Variants in ASPRV1 observed in about 807,000 individuals in gnomAD.
ASPRV1 encodes the protein aspartic peptidase retroviral like 1.
Under a neutral mutation model 11.0 loss-of-function variants are expected in ASPRV1, and 7 were observed. The observed-to-expected ratio is 0.64, with a 90% CI of 0.36 to 1.20. The LOEUF (loss-of-function observed/expected upper bound fraction) is 1.20. Ranked by LOEUF, ASPRV1 falls within the 50% of genes most tolerant of loss-of-function variation. The pLI is 0.02. For synonymous variants in ASPRV1, 136 were observed against 138.4 expected, an observed-to-expected ratio of 0.98 and a Z score of 0.12; for missense variants, 299 against 320.0, an observed-to-expected ratio of 0.93 and a Z score of 0.50.
At chr2:69,939,781 C>T in the ASPRV1 span, 3 of 152,398 alleles carry the variant, frequency 2.0e-5, no homozygotes, top group South Asian at 2.1e-4. Context: ...AATCCACGGA[C>T]GCACTGCGAC....
chr2:70,020,840 G>C, the ASPRV1 span, among the ~76,000 whole-genome samples: 1 of 152,144 alleles, frequency 6.6e-6, no homozygotes, highest in African/African-American at 2.4e-5. Context: ...TACTAGTGGT[G>C]ATCAGGGGCT....
the ASPRV1 span, among the ~76,000 whole-genome samples, chr2:70,014,200 ACAG>A: frequency 6.6e-6 from 1 of 152,192 alleles, no homozygotes; most frequent in African/African-American, 2.4e-5. Context: ...TTTGCATCAA[ACAG>A]CACTTTCAGC....
chr2:70,032,994 C>A, the ASPRV1 span, among the ~76,000 whole-genome samples: 1 of 152,088 alleles, frequency 6.6e-6, no homozygotes, highest in Non-Finnish European at 1.5e-5. Flanking sequence ...CACAGCACTA[C>A]AGCAATCAGA....
the ASPRV1 span, chr2:70,080,840 TTCA>T: frequency 6.6e-6 from 1 of 152,260 alleles, no homozygotes. Flanking sequence ...TTTCTTTGAC[TTCA>T]GGCCTTTGCT....
the ASPRV1 span, among the ~76,000 whole-genome samples, chr2:69,973,616 G>A: frequency 1.8e-4 from 28 of 152,298 alleles, no homozygotes; most frequent in Non-Finnish European, 3.8e-4. Context: ...CCAAAGTGCT[G>A]GGATCACAGG....
At chr2:69,992,556 A>G in the ASPRV1 span, among the ~76,000 whole-genome samples, 1 of 152,200 alleles carries the variant, frequency 6.6e-6, no homozygotes, top group African/African-American at 2.4e-5. Context: ...CACTAGGTGG[A>G]ATGCTTATGC....
the ASPRV1 span, among the ~76,000 whole-genome samples, chr2:69,995,794 C>G: frequency 2.0e-5 from 3 of 152,120 alleles, no homozygotes; most frequent in Admixed American, 2.0e-4. Context: ...TACTAGACAC[C>G]GCCTTCTCAT....
the ASPRV1 span, among the ~76,000 whole-genome samples, chr2:69,972,377 A>T: frequency 7.3e-6 from 1 of 136,446 alleles, no homozygotes; most frequent in African/African-American, 2.8e-5. Context: ...TTTTTTTTCA[A>T]GATGGAGTCT....
chr2:69,947,878 G>A, the ASPRV1 span, among the ~76,000 whole-genome samples: 3 of 152,168 alleles, frequency 2.0e-5, no homozygotes, highest in Non-Finnish European at 2.9e-5. Flanking sequence ...GGGGATATCC[G>A]CAGAGGCCAG....
the ASPRV1 span, among the ~76,000 whole-genome samples, chr2:70,067,101 G>A: frequency 1.3e-5 from 2 of 152,160 alleles, no homozygotes; most frequent in Non-Finnish European, 2.9e-5. Flanking sequence ...ATCCTCAGAA[G>A]TACTCTTTTA....
the ASPRV1 span, among the ~76,000 whole-genome samples, chr2:70,068,539 A>G: frequency 6.6e-6 from 1 of 152,144 alleles, no homozygotes; most frequent in Non-Finnish European, 1.5e-5. Context: ...CACATTATGT[A>G]AAGGTTTAGT....
chr2:69,946,285 T>C, the ASPRV1 span, among the ~76,000 whole-genome samples: 7 of 152,254 alleles, frequency 4.6e-5, no homozygotes, highest in African/African-American at 1.7e-4. Flanking sequence ...GGAGTGCCCA[T>C]GTCCCCTAGG....
the ASPRV1 span, among the ~76,000 whole-genome samples, chr2:69,999,945 C>T: frequency 3.3e-5 from 5 of 152,158 alleles, no homozygotes; most frequent in Admixed American, 2.6e-4. Flanking sequence ...TCTCATCTGC[C>T]TTGAGTTGGC....
chr2:70,001,217 A>G, the ASPRV1 span, among the ~76,000 whole-genome samples: 2 of 152,196 alleles, frequency 1.3e-5, no homozygotes, highest in Non-Finnish European at 2.9e-5. Flanking sequence ...ATATTAATAT[A>G]AACTCTGTAG....
chr2:70,004,165 T>C, the ASPRV1 span, among the ~76,000 whole-genome samples: 47 of 152,158 alleles, frequency 3.1e-4, no homozygotes, highest in African/African-American at 1.1e-3. Flanking sequence ...GTTTCTTTTC[T>C]GTAGCCTGAA....
chr2:70,006,145 A>G, the ASPRV1 span, among the ~76,000 whole-genome samples: 1 of 152,122 alleles, frequency 6.6e-6, no homozygotes, highest in Non-Finnish European at 1.5e-5. Context: ...ATACACCCCA[A>G]GTTGTGACGA....
At chr2:69,972,948 A>G in the ASPRV1 span, among the ~76,000 whole-genome samples, 1 of 152,042 alleles carries the variant, frequency 6.6e-6, no homozygotes, top group Non-Finnish European at 1.5e-5. Context: ...CCTCCTCAGT[A>G]GCCTCTTTCC....
chr2:70,001,932 T>C, the ASPRV1 span, among the ~76,000 whole-genome samples: 3 of 152,144 alleles, frequency 2.0e-5, no homozygotes, highest in African/African-American at 7.2e-5. Flanking sequence ...AGAAAAAATG[T>C]TCACAATGTA....
chr2:69,958,014 C>T (rs1677979302), downstream of ASPRV1, among the ~76,000 whole-genome samples: 1 of 152,170 alleles, frequency 6.6e-6, no homozygotes, highest in Admixed American at 6.5e-5. Flanking sequence ...TTCAAACGCC[C>T]ACTGTGGGAG....
Sources: allele counts gnomAD v4.1 joint callset (sites outside exome capture counted in the v4.1 genomes callset), GRCh38; gene constraint gnomAD v4.1.1; transcripts MANE v1.5; gene names NCBI Gene and HGNC (gene_info 2026-07-23, HGNC 2026-07-21).